Variants in SLC7A2 observed in about 807,000 individuals in gnomAD.
SLC7A2 encodes the protein solute carrier family 7 member 2.
Under a neutral mutation model 58.9 loss-of-function variants are expected in SLC7A2, and 48 were observed. The ratio of observed to expected loss-of-function variants is 0.82; its 90% CI spans 0.65 to 1.04. The LOEUF is 1.04. SLC7A2 is among the 50% of genes least tolerant of loss of function. The pLI, the probability that SLC7A2 is intolerant of heterozygous loss-of-function variation, is 0.00. For missense variants in SLC7A2, 1,029 were observed against 818.8 expected (o/e 1.26, Z -3.13); for synonymous variants, 363 against 314.5 (o/e 1.15, Z -1.63).
Position 17,560,474 on chromosome 8 carries a change from C to T in SLC7A2, c.1445C>T (p.Pro482Leu), listed in dbSNP as rs1802917318. ...QGFSMRTLFCPSLLPTQQSAS... is the reference protein window; with the variant it reads ...QGFSMRTLFCLSLLPTQQSAS... ...TTCAGCATGCGGACCCTCTTCTGCC[C>T]CTCCCTTCTGCCAACACAGCAGTCA... The change falls in exon 10 of 13, where the codon CCC becomes CTC. Residue 482 changes from proline (P) to leucine (L), a missense_variant. Coordinates refer to ENST00000494857, the MANE Select transcript of SLC7A2 (RefSeq NM_001370338.1). 1.9e-6 allele frequency: 3 copies of T among 1,613,838 alleles called. No homozygotes were observed. The highest frequency in any genetic ancestry group is 2.5e-6 in the Non-Finnish European group (3 of 1,179,918).
rs139183920 is a variant in SLC7A2 at position 17,537,156 on chromosome 8, A to G, written c.-22-6162A>G. ...ACCGCAACCTCTGCCTCCTGAGTTC[A>G]AGCAATTCTCCTGCCTTAGCCTCCC... On this transcript the variant is annotated intron_variant, in intron 2 of 12. Transcript: ENST00000494857. Among the ~76,000 whole-genome samples the G allele has an allele frequency of 1.1e-3, 160 of 152,306 alleles. 4 individuals are homozygous for G. Among genetic ancestry groups the G allele is most frequent in the African/African-American group, 3.7e-3 (155 of 41,580 alleles).
chr8:17,544,090 G>T (rs563850060), intron 3 of SLC7A2, among the ~76,000 whole-genome samples: 1 of 152,242 alleles, frequency 6.6e-6, no homozygotes, highest in East Asian at 1.9e-4. Context: ...AGCTGGTCTC[G>T]AACTCCTGAC....
Position 17,563,284 on chromosome 8 carries a change from A to G in SLC7A2, c.1672-319A>G, listed in dbSNP as rs1318055961. Among the ~76,000 whole-genome samples the G allele has an allele frequency of 2.0e-5, 3 of 152,228 alleles. No homozygotes were observed. In the East Asian group the frequency reaches 5.8e-4, roughly 29 times the overall value. Reference sequence around the variant, plus strand: ...CTGGGAGGATGTACCTGGGATAACCATATGTATCCCACATTTCAGAGGTCT... The same window carrying G: ...CTGGGAGGATGTACCTGGGATAACCGTATGTATCCCACATTTCAGAGGTCT... On this transcript the variant is annotated intron_variant, in intron 11 of 12. Coordinates refer to ENST00000494857, the MANE Select transcript of SLC7A2 (RefSeq NM_001370338.1).
intron 1 of SLC7A2, among the ~76,000 whole-genome samples, chr8:17,500,955 A>G (rs1800134376): frequency 6.6e-6 from 1 of 151,380 alleles, no homozygotes; most frequent in Admixed American, 6.6e-5. Flanking sequence ...GGAAACTGTT[A>G]TATATCAGTC....
chr8:17,504,145 A>G lies in SLC7A2; in HGVS notation c.-23+1843A>G, dbSNP rs79511552. ...GGCATTGGTAGAAGAATAACAAACT[A>G]CTAAGAATTCAGTTTATTGATCATC... On this transcript the variant is annotated intron_variant, in intron 2 of 12. Coordinates refer to ENST00000494857, the MANE Select transcript of SLC7A2 (RefSeq NM_001370338.1). Among the ~76,000 whole-genome samples, 796 of 152,340 alleles carry G rather than the reference A, an allele frequency of 5.2e-3. 13 individuals are homozygous for G. The highest frequency in any genetic ancestry group is 0.018 in the African/African-American group (759 of 41,568).
At chr8:17,562,436 C>T (rs1349736959) in intron 11 of SLC7A2, among the ~76,000 whole-genome samples, 1 of 151,960 alleles carries the variant, frequency 6.6e-6, no homozygotes, top group Non-Finnish European at 1.5e-5. Flanking sequence ...AACTCCTGAC[C>T]TCAAATAATC....
At chr8:17,546,036 C>G (rs750780209) in intron 4 of SLC7A2, among the ~76,000 whole-genome samples, 17 of 152,032 alleles carry the variant, frequency 1.1e-4, no homozygotes, top group Non-Finnish European at 2.1e-4. Context: ...CATTTTGAGT[C>G]TAATGTCAAG....
chr8:17,495,328 T>A (rs1799931106), upstream of SLC7A2, among the ~76,000 whole-genome samples: 1 of 152,084 alleles, frequency 6.6e-6, no homozygotes. Flanking sequence ...GAGTCATCGC[T>A]CCCTTGAACA....
intron 2 of SLC7A2, among the ~76,000 whole-genome samples, chr8:17,537,607 G>T (rs530870128): frequency 6.6e-6 from 1 of 152,140 alleles, no homozygotes; most frequent in East Asian, 1.9e-4. Flanking sequence ...GCAGTGGCGG[G>T]ATCCCAGGTA....
At chr8:17,528,877 C>T (rs565633988) in intron 2 of SLC7A2, among the ~76,000 whole-genome samples, 7 of 152,148 alleles carry the variant, frequency 4.6e-5, no homozygotes, top group African/African-American at 1.7e-4. Context: ...GCATTGAGAG[C>T]TGCATAAGGA....
intron 2 of SLC7A2, chr8:17,511,190 C>T (rs1431272388): frequency 6.6e-6 from 1 of 152,098 alleles, no homozygotes; most frequent in African/African-American, 2.4e-5. Context: ...ATAGGTGCAG[C>T]AAACCATGGC....
At chr8:17,542,698 G>C (rs1232703651) in intron 2 of SLC7A2, among the ~76,000 whole-genome samples, 4 of 151,680 alleles carry the variant, frequency 2.6e-5, no homozygotes, top group African/African-American at 9.7e-5. Flanking sequence ...TTGAAGTAAA[G>C]AGAGACAGAA....
intron 2 of SLC7A2, among the ~76,000 whole-genome samples, chr8:17,530,933 A>G (rs1476937427): frequency 2.0e-5 from 3 of 152,196 alleles, no homozygotes; most frequent in Non-Finnish European, 2.9e-5. Flanking sequence ...TTTAAATTTA[A>G]TAAGCATTAA....
chr8:17,538,981 A>G, intron 2 of SLC7A2: 1 of 1,463,150 alleles, frequency 6.8e-7, no homozygotes, highest in Non-Finnish European at 9.6e-7. Flanking sequence ...TGAAATGTCA[A>G]CCTTTACTTA....
intron 10 of SLC7A2, among the ~76,000 whole-genome samples, chr8:17,561,683 A>C (rs1802993930): frequency 6.6e-6 from 1 of 152,216 alleles, no homozygotes; most frequent in South Asian, 2.1e-4. Flanking sequence ...TGGGCAGATA[A>C]TGCCAGTGAG....
At chr8:17,496,667 C>T (rs1400902838), upstream of SLC7A2, among the ~76,000 whole-genome samples, 1 of 152,200 alleles carries the variant, frequency 6.6e-6, no homozygotes, top group Admixed American at 6.5e-5. Flanking sequence ...TTCCATTTAT[C>T]ATTGCTATTA....
chr8:17,522,414 A>C (rs547169411), intron 2 of SLC7A2, among the ~76,000 whole-genome samples: 1 of 152,178 alleles, frequency 6.6e-6, no homozygotes, highest in Non-Finnish European at 1.5e-5. Context: ...AATCATGTCA[A>C]CTTGGCCATG....
At chr8:17,558,229 C>T (rs892504715) in intron 8 of SLC7A2, 66 bp from the exon 9 acceptor site, 27 of 1,001,954 alleles carry the variant, frequency 2.7e-5, no homozygotes, top group African/African-American at 8.0e-5. Flanking sequence ...CTGACTTGAA[C>T]GTTAGTAACT....
At chr8:17,563,273 C>G (rs1803107627) in intron 11 of SLC7A2, among the ~76,000 whole-genome samples, 1 of 152,166 alleles carries the variant, frequency 6.6e-6, no homozygotes, top group East Asian at 1.9e-4. Context: ...GAGGATGTAC[C>G]TGGGATAACC....
Sources: allele counts gnomAD v4.1 joint callset (sites outside exome capture counted in the v4.1 genomes callset), GRCh38; gene constraint gnomAD v4.1.1; transcripts MANE v1.5; gene names NCBI Gene and HGNC (gene_info 2026-07-23, HGNC 2026-07-21).